OPLAH: variants seen among roughly 807,000 people sequenced by gnomAD.
The protein encoded by OPLAH is 5-oxoprolinase.
OPLAH carries 103 observed loss-of-function variants against 122.8 expected under a neutral mutation model. The observed-to-expected ratio is 0.84, with a 90% CI of 0.71 to 0.99. The LOEUF (loss-of-function observed/expected upper bound fraction) is 0.99, where lower values mean the gene tolerates loss of function less well. OPLAH is among the 50% of genes least tolerant of loss of function. OPLAH has a pLI of 0.00. For synonymous variants in OPLAH, 875 were observed against 796.0 expected, an observed-to-expected ratio of 1.10 and a Z score of -1.67; for missense variants, 1,902 against 1,836.5, an observed-to-expected ratio of 1.04 and a Z score of -0.65.
rs1554757694 is a variant in OPLAH, at chr8:144,051,728, C to T, written c.3720+1G>A. ...GGGACAGGACAGGCCGCGGCCCTTA[C>T]CCCGGGGTACACGGTCACCGACGTC... On this transcript the variant is annotated splice_donor_variant, in intron 26 of 26. Coordinates refer to ENST00000618853, the MANE Select transcript of OPLAH (RefSeq NM_017570.5). LOFTEE classifies it high-confidence loss of function. 1.3e-6 allele frequency: 2 copies of T among 1,599,518 alleles called. No homozygotes were observed. Among genetic ancestry groups the T allele is most frequent in the South Asian group, 1.1e-5 (1 of 89,136 alleles).
intron 8 of OPLAH, 37 bp downstream of exon 8, chr8:144,057,973 G>A (rs782742516): frequency 6.2e-7 from 1 of 1,612,122 alleles, no homozygotes; most frequent in Non-Finnish European, 8.5e-7. Context: ...GAGGGAGACA[G>A]GGCTGGGGTC....
chr8:144,052,665 C>A, intron 22 of OPLAH, 67 bp from the exon 23 acceptor site: 2 of 1,532,826 alleles, frequency 1.3e-6, no homozygotes, highest in Non-Finnish European at 1.8e-6. Flanking sequence ...ACCCCACCCC[C>A]CGCCCCAGCA....
chr8:144,057,930 G>A lies in OPLAH; in HGVS notation c.1089-7C>T, dbSNP rs1835565167. ...AACCACAAAGAGGCCAGACCTAGGG[G>A]AAGGAAGGGCTGGGGTTGGAGTTGG... On this transcript the variant is annotated splice_region_variant and splice_polypyrimidine_tract_variant and intron_variant, in intron 8 of 26. Transcript: ENST00000618853. 6.2e-7 allele frequency: 1 copy of A among 1,611,944 alleles called. No individual in the cohort carries two copies. The highest frequency in any genetic ancestry group is 8.5e-7 in the Non-Finnish European group (1 of 1,179,552).
rs782160755 is a variant in OPLAH, at chr8:144,058,458, GC to G, written c.783+37del. On this transcript the variant is annotated intron_variant, in intron 6 of 26. Transcript: ENST00000618853. ...GGGGCAGGCCAAGGCCCAGGCCCAGGCCCAGGAGTGGGCAGTGGGGGTGCCT... is the reference window on the plus strand; with the variant it reads ...GGGGCAGGCCAAGGCCCAGGCCCAGGCCAGGAGTGGGCAGTGGGGGTGCCT... 3.9e-5 allele frequency: 62 copies of G among 1,578,814 alleles called. No homozygotes were observed. In the Middle Eastern group the frequency reaches 1.4e-3, roughly 34 times the overall value.
rs1238475013 is a variant in OPLAH, at chr8:144,055,015, G to A, written c.2409+14C>T. ...AGGGAGGGGGATGGAAGGGTGAGGC[G>A]GGGGAAGGGCCACCTGGAACTGCAC... On this transcript the variant is annotated intron_variant, in intron 17 of 26. Coordinates refer to ENST00000618853, the MANE Select transcript of OPLAH (RefSeq NM_017570.5). The surrounding 1 kb of genome is among the most constrained non-coding windows in gnomAD (Gnocchi z 6.5). 5.2e-5 allele frequency: 76 copies of A among 1,464,364 alleles called. No homozygotes were observed. Among genetic ancestry groups the A allele is most frequent in the Non-Finnish European group, 6.6e-5 (73 of 1,099,054 alleles). 90.7% of individuals were successfully genotyped at this position (1,464,364 alleles called of 1,614,324 possible). A position where few individuals can be genotyped will look rare whatever the true frequency, so the allele number is the denominator to read the frequency against.
chr8:144,056,240 T>C lies in OPLAH; in HGVS notation c.2003A>G (p.Glu668Gly). 1 of 1,611,776 alleles carries C rather than the reference T, an allele frequency of 6.2e-7. No individual in the cohort carries two copies. The highest frequency in any genetic ancestry group is 8.5e-7 in the Non-Finnish European group (1 of 1,179,102). Residue 668 changes from glutamate to glycine, a missense_variant, in exon 15 of 27, where the codon GAG (glutamate) becomes GGG (glycine). Glu to Gly is a moderately conservative substitution (Grantham distance 98, BLOSUM62 -2). Around this residue, in one of 3 missense-constraint regions of OPLAH, gnomAD observed 1,726 missense variants for 1,642.1 expected, o/e 1.05. Transcript: ENST00000618853. ...RVDKMTQCYF[E>G]GGYQETPVYL... Reference sequence around the variant, plus strand: ...CACAGGGGTCTCCTGGTAGCCCCCCTCAAAGTAGCACTGGGTCATCTGCAG... The same window carrying C: ...CACAGGGGTCTCCTGGTAGCCCCCCCCAAAGTAGCACTGGGTCATCTGCAG...
chr8:144,056,197 C>A lies in OPLAH; in HGVS notation c.2046G>T (p.Leu682=), dbSNP rs1835509056. 6.2e-7 allele frequency: 1 copy of A among 1,612,070 alleles called. No individual in the cohort carries two copies. Among genetic ancestry groups the A allele is most frequent in the African/African-American group, 1.3e-5 (1 of 74,920 alleles). The stretch of plus-strand genomic sequence containing the variant: ...GCCCATGGAGCTTGTGCCCATAGCC[C>A]AGCTCTGCCAGCAGGTACACAGGGG... ...QETPVYLLAE[L]GYGHKLHGPC... is the part of the protein sequence containing the mutation. The change falls in exon 15 of 27, where the codon CTG becomes CTT. Residue 682 remains leucine, a synonymous_variant. Transcript: ENST00000618853.
rs1434572738 is a variant in OPLAH, at chr8:144,056,714, T to C, written c.1748A>G (p.Gln583Arg). 1.2e-6 allele frequency: 2 copies of C among 1,611,210 alleles called. No individual in the cohort carries two copies. The highest frequency in any genetic ancestry group is 2.2e-5 in the East Asian group (1 of 44,852). Residue 583 changes from glutamine (Q) to arginine (R), a missense_variant, in exon 13 of 27, where the codon CAG (glutamine) becomes CGG (arginine). Physicochemically the swap from Gln to Arg is conservative, Grantham distance 43. Around this residue, in one of 3 missense-constraint regions of OPLAH, gnomAD observed 1,726 missense variants for 1,642.1 expected, o/e 1.05. Transcript: ENST00000618853. ...CACCATCAGAGCACAGTCCGTGCCC[T>C]GGTAGCGCAGGTGCAGGAAGCTCTC... ...STESFLHLRY[Q>R]GTDCALMVSA...
At position 144,051,345 on chromosome 8, in the gene OPLAH, C is replaced by G; in HGVS notation, c.3848G>C (p.Arg1283Pro). ...PEHGSVYEYR[R>P]AQEAV ...GGATCCTCACACGGCCTCCTGGGCC[C>G]GGCGATACTCATAGACGCTGCCGTG... The change falls in exon 27 of 27, where the codon CGG (arginine) becomes CCG (proline). Residue 1283 changes from arginine (R) to proline (P), a missense_variant. By Grantham distance (103) the Arg-to-Pro change is moderately radical (BLOSUM62 -2). Coordinates refer to ENST00000618853, the MANE Select transcript of OPLAH (RefSeq NM_017570.5). 1.2e-6 allele frequency: 2 copies of G among 1,611,620 alleles called. No individual in the cohort carries two copies. The highest frequency in any genetic ancestry group is 1.7e-6 in the Non-Finnish European group (2 of 1,179,360).
Position 144,055,102 on chromosome 8 carries a change from T to C in OPLAH, c.2336A>G (p.Asp779Gly), listed in dbSNP as rs782599461. 12 of 1,582,210 alleles carry C rather than the reference T, an allele frequency of 7.6e-6. No homozygotes were observed. The highest frequency in any genetic ancestry group is 1.4e-5 in the African/African-American group (1 of 73,940). ...GGGGGCATTGGACACCAGCCCCCCA[T>C]CGGGCCCAAAGAGGGCACAGGAGAA... ...LDFSCALFGP[D>G]GGLVSNAPHI... Residue 779 changes from aspartate to glycine, a missense_variant, in exon 17 of 27, where the codon GAT becomes GGT. Asp to Gly is a moderately conservative substitution (Grantham distance 94). Coordinates refer to ENST00000618853, the MANE Select transcript of OPLAH (RefSeq NM_017570.5). This position sits in a 1 kb window ranked among gnomAD's most constrained non-coding sequence, Gnocchi z 6.5.
At chr8:144,050,367 C>T (rs1835344860), downstream of OPLAH, 1 of 974,722 alleles carries the variant, frequency 1.0e-6, no homozygotes, top group African/African-American at 1.8e-5. Flanking sequence ...AGTTTGGGGC[C>T]GAGAAGTTTG....
At chr8:144,061,133 T>C (rs1554760812), upstream of OPLAH, among the ~76,000 whole-genome samples, 3 of 152,132 alleles carry the variant, frequency 2.0e-5, no homozygotes, top group Non-Finnish European at 4.4e-5. Flanking sequence ...CTTCACCGGG[T>C]CTCCCTCATC....
downstream of OPLAH, chr8:144,051,186 C>A: frequency 6.9e-7 from 1 of 1,448,906 alleles, no homozygotes. Flanking sequence ...CCTGCAGCTC[C>A]GAGTCTCAGT....
Position 144,051,489 on chromosome 8 carries a change from G to T in OPLAH, c.3721-17C>A, listed in dbSNP as rs1327921249. On this transcript the variant is annotated splice_polypyrimidine_tract_variant and intron_variant, in intron 26 of 26. Coordinates refer to ENST00000618853, the MANE Select transcript of OPLAH (RefSeq NM_017570.5). ...GAACACATCCTGTTGGCGCGGGGGG[G>T]GGCGGGGAGGCGGGCTCAGTGCAGG... 6.9e-6 allele frequency: 10 copies of T among 1,448,462 alleles called. No individual in the cohort carries two copies. The highest frequency in any genetic ancestry group is 2.5e-4 in the Middle Eastern group (1 of 3,988). The allele number at this position is 1,448,462 out of a possible 1,614,324, so 89.7% of individuals were successfully genotyped here. A position where few individuals can be genotyped will look rare whatever the true frequency, so the allele number is the denominator to read the frequency against.
At chr8:144,053,415 T>G in intron 19 of OPLAH, 22 bp from the exon 20 acceptor site, 1 of 1,589,162 alleles carries the variant, frequency 6.3e-7, no homozygotes, top group Non-Finnish European at 8.6e-7. Context: ...GTGTCATCAC[T>G]GAGCCCCTGG....
At position 144,057,446 on chromosome 8, in the gene OPLAH, A is replaced by C. The variant is rs1244127593; in HGVS notation, c.1422+2T>G. 9 of 1,582,716 alleles carry C rather than the reference A, an allele frequency of 5.7e-6. No homozygotes were observed. Among genetic ancestry groups the C allele is most frequent in the Non-Finnish European group, 7.7e-6 (9 of 1,164,712 alleles). On this transcript the variant is annotated splice_donor_variant, in intron 10 of 26. Transcript: ENST00000618853. LOFTEE classifies it high-confidence loss of function. The stretch of plus-strand genomic sequence containing the variant: ...CAGGCGGGAGAGCAGAGGTGGACGT[A>C]CCTGCGTGAGTGCACGGATGGGCCG...
chr8:144,052,667 G>C (rs1835413071), intron 22 of OPLAH, 69 bp from the exon 23 acceptor site: 2 of 1,531,664 alleles, frequency 1.3e-6, no homozygotes, highest in Non-Finnish European at 1.8e-6. Context: ...CCCACCCCCC[G>C]CCCCAGCACC....
chr8:144,057,538 C>G lies in OPLAH; in HGVS notation c.1332G>C (p.Pro444=), dbSNP rs782517778. The G allele has an allele frequency of 1.3e-6, 2 of 1,592,412 alleles. No individual in the cohort carries two copies. The highest frequency in any genetic ancestry group is 2.2e-5 in the East Asian group (1 of 44,594). The stretch of plus-strand genomic sequence containing the variant: ...CCTCCTCCAGGCTCAGCGGGGAGGC[C>G]GGGCAGGGCCCGTTGGTCAGGAAGC... ...VNSFLTNGPC[P]ASPLSLEEVA... is the part of the protein sequence containing the mutation. The change falls in exon 10 of 27, where the codon CCG becomes CCC. Residue 444 remains proline (P), a synonymous_variant. Transcript: ENST00000618853.
At position 144,057,960 on chromosome 8, in the gene OPLAH, G is replaced by T. The variant is rs782315264; in HGVS notation, c.1089-37C>A. ...AAGGGCTGGGGTTGGAGTTGGACAC[G>T]AGGAGGGAGACAGGGCTGGGGTCCC... On this transcript the variant is annotated intron_variant, in intron 8 of 26. Coordinates refer to ENST00000618853, the MANE Select transcript of OPLAH (RefSeq NM_017570.5). The T allele has an allele frequency of 1.9e-6, 3 of 1,612,032 alleles. No individual in the cohort carries two copies. In the South Asian group the frequency reaches 3.3e-5, roughly 18 times the overall value.
Sources: gnomAD v4.1 joint callset for allele counts (sites outside exome capture counted in the v4.1 genomes callset) on GRCh38, gnomAD v4.1.1 for gene constraint, gnomAD v4.1.1 regional missense constraint, Gnocchi (gnomAD v3.1) non-coding constraint, MANE v1.5 for transcripts, NCBI Gene and HGNC (gene_info 2026-07-23, HGNC 2026-07-21) for gene names.